Variants in CHD7 observed in about 807,000 individuals in gnomAD.
CHD7 encodes the protein chromodomain helicase DNA binding protein 7.
In CHD7, 24 loss-of-function variants were observed where a neutral mutation model predicts 307.3. That is an observed-to-expected ratio of 0.08 (90% CI 0.06 to 0.11). The LOEUF (loss-of-function observed/expected upper bound fraction) is 0.11. Ranked by LOEUF, CHD7 falls within the 10% of genes least tolerant of loss-of-function variation. The pLI is 1.00. For missense variants in CHD7, 3,106 were observed against 3,727.1 expected, an observed-to-expected ratio of 0.83 and a Z score of 4.34; for synonymous variants, 1,363 against 1,349.9, an observed-to-expected ratio of 1.01 and a Z score of -0.21.
At chr8:60,860,707 T>C (rs1805929932) in intron 34 of CHD7, among the ~76,000 whole-genome samples, 197 bp from the exon 35 acceptor site, 1 of 152,230 alleles carries the variant, frequency 6.6e-6, no homozygotes, top group Non-Finnish European at 1.5e-5. Context: ...AGTGCTGGGA[T>C]TACAGGCGTG....
At chr8:60,776,518 C>G (rs374620662) in intron 2 of CHD7, among the ~76,000 whole-genome samples, 33 of 152,304 alleles carry the variant, frequency 2.2e-4, no homozygotes, top group African/African-American at 7.9e-4. Context: ...CTGCCTCCCC[C>G]TCTCTCTCAG....
intron 6 of CHD7, among the ~76,000 whole-genome samples, chr8:60,804,542 A>G (rs1201074923): frequency 6.6e-6 from 1 of 152,162 alleles, no homozygotes; most frequent in East Asian, 1.9e-4. Flanking sequence ...TTTTTCCCTA[A>G]GTGAACTGTG....
At chr8:60,765,857 G>T (rs2150632450) in intron 2 of CHD7, among the ~76,000 whole-genome samples, 1 of 152,322 alleles carries the variant, frequency 6.6e-6, no homozygotes, top group Non-Finnish European at 1.5e-5. Flanking sequence ...GATGAGACTA[G>T]CAGGAGACTG....
rs749786629 is a variant in CHD7, at chr8:60,852,232, C to G, written c.5879C>G (p.Ser1960Cys). ...ALEAEREAII[S>C]EKRQKWTRRE... is the part of the protein sequence containing the mutation. ...GAAGCGGAAAGGGAAGCTATTATATCTGAGAAGCGGCAAAAGTGAGTTTCT... is the reference window on the plus strand; with the variant it reads ...GAAGCGGAAAGGGAAGCTATTATATGTGAGAAGCGGCAAAAGTGAGTTTCT... Residue 1960 changes from serine (S) to cysteine (C), a missense_variant, in exon 29 of 38, where the codon TCT becomes TGT. By Grantham distance (112) the Ser-to-Cys change is moderately radical. Around this residue, in one of 10 missense-constraint regions of CHD7, gnomAD observed 1,030 missense variants for 1,165.4 expected, o/e 0.88. Coordinates refer to ENST00000423902, the MANE Select transcript of CHD7 (RefSeq NM_017780.4). The G allele has an allele frequency of 1.2e-6, 2 of 1,612,812 alleles. No individual in the cohort carries two copies. Among genetic ancestry groups the G allele is most frequent in the African/African-American group, 1.3e-5 (1 of 74,972 alleles).
chr8:60,823,711 G>C, intron 12 of CHD7, 129 bp from the exon 13 acceptor site: 1 of 780,972 alleles, frequency 1.3e-6, no homozygotes, highest in South Asian at 1.9e-5. Context: ...CTTGAAAACA[G>C]AATGTATGTC....
chr8:60,728,005 C>G (rs1368779356), intron 1 of CHD7, among the ~76,000 whole-genome samples: 1 of 152,236 alleles, frequency 6.6e-6, no homozygotes, highest in Non-Finnish European at 1.5e-5. Flanking sequence ...CTTTGTAGCA[C>G]CATTGTCTCT....
chr8:60,845,490 C>T (rs1805166270), intron 23 of CHD7, 81 bp downstream of exon 23: 1 of 1,460,140 alleles, frequency 6.8e-7, no homozygotes, highest in African/African-American at 1.4e-5. Flanking sequence ...CCCTTCACGT[C>T]TGCAGATGCA....
In CHD7 at chr8:60,861,132, A is replaced by G; in HGVS notation, c.7830+7A>G. The G allele has an allele frequency of 6.4e-7, 1 of 1,564,492 alleles. No homozygotes were observed. ...TATGCCAAGTTATGTACCAGTGAGT[A>G]TTGCAGAGTTTAGAGTTGGAAGGAA... is the stretch of plus-strand genomic sequence containing the variant. On this transcript the variant is annotated splice_region_variant and intron_variant, in intron 35 of 37. Coordinates refer to ENST00000423902, the MANE Select transcript of CHD7 (RefSeq NM_017780.4).
intron 1 of CHD7, among the ~76,000 whole-genome samples, chr8:60,726,632 C>T (rs1048316762): frequency 8.5e-5 from 13 of 152,142 alleles, no homozygotes; most frequent in African/African-American, 3.1e-4. Context: ...TAGGTGGTAT[C>T]GTATGTATTT....
intron 1 of CHD7, among the ~76,000 whole-genome samples, chr8:60,698,230 C>T (rs1026174817): frequency 1.3e-5 from 2 of 152,148 alleles, no homozygotes; most frequent in African/African-American, 4.8e-5. Context: ...AGTTTAAAAT[C>T]AAATTACTCA....
rs886038635 is a variant in CHD7, at chr8:60,852,950, A to G, written c.6225A>G (p.Gly2075=). 10 of 1,613,826 alleles carry G rather than the reference A, an allele frequency of 6.2e-6. No homozygotes were observed. The highest frequency in any genetic ancestry group is 8.5e-6 in the Non-Finnish European group (10 of 1,179,882). The change falls in exon 31 of 38, where the codon GGA becomes GGG. Residue 2075 remains glycine (G), a synonymous_variant. Coordinates refer to ENST00000423902, the MANE Select transcript of CHD7 (RefSeq NM_017780.4). The part of the protein sequence containing the change: ...REQVLHHPQL[G]ERLKLCQPSL... ...AGGTTCTCCATCACCCCCAGCTGGG[A>G]GAGAGGCTTAAGCTCTGCCAGCCAA... is the stretch of plus-strand genomic sequence containing the variant.
chr8:60,803,601 G>T (rs1812412264), intron 6 of CHD7, among the ~76,000 whole-genome samples: 1 of 152,168 alleles, frequency 6.6e-6, no homozygotes, highest in Admixed American at 6.5e-5. Context: ...TTCTGGAAGG[G>T]AGATATGCTT....
intron 15 of CHD7, among the ~76,000 whole-genome samples, chr8:60,834,376 C>T (rs1804654891): frequency 6.6e-6 from 1 of 152,120 alleles, no homozygotes; most frequent in African/African-American, 2.4e-5. Flanking sequence ...AATTTCAGAG[C>T]TTATGATGTA....
Position 60,746,174 on chromosome 8 carries a change from C to G in CHD7, c.1665+3077C>G, listed in dbSNP as rs139348952. Among the ~76,000 whole-genome samples the G allele has an allele frequency of 4.4e-3, 673 of 152,318 alleles. 2 individuals are homozygous for G. The highest frequency in any genetic ancestry group is 7.0e-3 in the Non-Finnish European group (474 of 68,036). On this transcript the variant is annotated intron_variant, in intron 2 of 37. Transcript: ENST00000423902. ...TCAGCCTCCTGAGTGGCTGGGACTA[C>G]AGGCGCGCACCACCGTGCCTGGCTA...
At chr8:60,679,444 G>C (rs1457573530) in intron 1 of CHD7, 2 of 145,866 alleles carry the variant, frequency 1.4e-5, no homozygotes, top group African/African-American at 4.9e-5. Context: ...GGCGTGGGGG[G>C]GGGGTACGGG....
At chr8:60,846,294 T>A (rs574043434) in intron 23 of CHD7, among the ~76,000 whole-genome samples, 12 of 152,352 alleles carry the variant, frequency 7.9e-5, no homozygotes, top group Admixed American at 2.6e-4. Context: ...TGCTTAATAT[T>A]ACCTCAGTTG....
At chr8:60,752,051 T>C (rs1809666422) in intron 2 of CHD7, among the ~76,000 whole-genome samples, 1 of 152,234 alleles carries the variant, frequency 6.6e-6, no homozygotes, top group East Asian at 1.9e-4. Context: ...TGATATTCTT[T>C]AAAGTGTATT....
rs934202812 is a variant in CHD7, at chr8:60,841,770, C to T, written c.4644+16C>T. 3 of 1,602,576 alleles carry T rather than the reference C, an allele frequency of 1.9e-6. No homozygotes were observed. Among genetic ancestry groups the T allele is most frequent in the East Asian group, 2.2e-5 (1 of 44,650 alleles). On this transcript the variant is annotated intron_variant, in intron 20 of 37. Transcript: ENST00000423902. ...AAATGGGAGGGTGAGTAAGAAGTCC[C>T]ATTCGAACACCTATCTGATCTAAAC...
At position 60,853,398 on chromosome 8, in the gene CHD7, G is replaced by T. The variant is rs374408098; in HGVS notation, c.6673G>T (p.Ala2225Ser). ...TGAACTGAAAGGTGTTGAGGTCGGC[G>T]CAGACACTGGGTCCAAATCTATTTC... Reference protein sequence around the residue: ...KNELKGVEVGADTGSKSISEK... With the variant: ...KNELKGVEVGSDTGSKSISEK... Residue 2225 changes from alanine to serine, a missense_variant, in exon 31 of 38, where the codon GCA becomes TCA. By Grantham distance (99) the Ala-to-Ser change is moderately conservative. Around this residue, in one of 10 missense-constraint regions of CHD7, gnomAD observed 1,030 missense variants for 1,165.4 expected, o/e 0.88. Transcript: ENST00000423902. 6.5e-7 allele frequency: 1 copy of T among 1,532,836 alleles called. No individual in the cohort carries two copies. The highest frequency in any genetic ancestry group is 1.4e-5 in the African/African-American group (1 of 71,974). The allele number at this position is 1,532,836 out of a possible 1,614,324, so 95.0% of individuals were successfully genotyped here.
Sources: gnomAD v4.1 joint callset for allele counts (sites outside exome capture counted in the v4.1 genomes callset) on GRCh38, gnomAD v4.1.1 for gene constraint, gnomAD v4.1.1 regional missense constraint, MANE v1.5 for transcripts, NCBI Gene and HGNC (gene_info 2026-07-23, HGNC 2026-07-21) for gene names.